Variants in ZNF678 observed in about 807,000 individuals in gnomAD.
ZNF678 encodes hypothetical protein MGC42493.
A neutral mutation model predicts 3.0 loss-of-function variants in ZNF678; 5 were observed. That is an observed-to-expected ratio of 1.69 (90% CI 0.88 to 3.56). ZNF678 has a LOEUF of 3.56. ZNF678 is among the 30% of genes most tolerant of loss of function. The pLI, the probability that ZNF678 is intolerant of heterozygous loss-of-function variation, is 0.00. For synonymous variants in ZNF678, 218 were observed against 199.6 expected (o/e 1.09, Z -0.78); for missense variants, 593 against 605.0 (o/e 0.98, Z 0.21).
intron 5 of ZNF678, among the ~76,000 whole-genome samples, chr1:227,670,967 ATTT>A (rs139606967): frequency 7.8e-6 from 1 of 128,308 alleles, no homozygotes; most frequent in Admixed American, 7.8e-5. Flanking sequence ...GAGGCCTTTT[ATTT>A]TTTTTTTTTT....
Position 227,574,112 on chromosome 1 carries a change from T to C in ZNF678, c.-164+10388T>C, listed in dbSNP as rs903355822. Among the ~76,000 whole-genome samples, 10 of 152,220 alleles carry C rather than the reference T, an allele frequency of 6.6e-5. No homozygotes were observed. In the South Asian group the frequency reaches 1.0e-3, roughly 16 times the overall value. ...GGTTGACTCCATGTCTTTGCAATTG[T>C]GAATAGTGCTGCAGTGAACATATAC... On this transcript the variant is annotated intron_variant, in intron 1 of 3. Coordinates refer to ENST00000343776, the MANE Select transcript of ZNF678 (RefSeq NM_001367909.1).
At chr1:227,617,345 G>T (rs965740204) in intron 1 of ZNF678, among the ~76,000 whole-genome samples, 32 of 152,342 alleles carry the variant, frequency 2.1e-4, no homozygotes, top group African/African-American at 7.5e-4. Context: ...ACAAAGTTAA[G>T]AAGTGGCCCA....
At chr1:227,592,909 C>T (rs533498678) in intron 1 of ZNF678, among the ~76,000 whole-genome samples, 73 of 152,334 alleles carry the variant, frequency 4.8e-4, no homozygotes, top group African/African-American at 1.3e-3. Flanking sequence ...CACATCCACT[C>T]GGGGATGAAC....
At chr1:227,625,749 G>T (rs934645415) in intron 1 of ZNF678, among the ~76,000 whole-genome samples, 1 of 152,064 alleles carries the variant, frequency 6.6e-6, no homozygotes, top group Non-Finnish European at 1.5e-5. Flanking sequence ...GGGGTGCTTT[G>T]TACCCTGGTC....
intron 1 of ZNF678, among the ~76,000 whole-genome samples, chr1:227,581,594 C>T (rs1657130569): frequency 6.6e-6 from 1 of 152,172 alleles, no homozygotes; most frequent in African/African-American, 2.4e-5. Flanking sequence ...GCTTCTTTTT[C>T]ATCCATAATC....
chr1:227,563,790 G>A, intron 1 of ZNF678, 66 bp downstream of exon 1: 1 of 1,284,686 alleles, frequency 7.8e-7, no homozygotes, highest in African/African-American at 1.5e-5. Flanking sequence ...ACTAGAGTCC[G>A]CGGCCCGGAG....
chr1:227,603,923 A>G (rs1253638608), intron 1 of ZNF678, among the ~76,000 whole-genome samples: 3 of 152,218 alleles, frequency 2.0e-5, no homozygotes, highest in Non-Finnish European at 4.4e-5. Context: ...CATGTCTTGT[A>G]TAATTGGAAC....
chr1:227,679,380 G>C (rs1326015370), downstream of ZNF678, among the ~76,000 whole-genome samples: 1 of 152,156 alleles, frequency 6.6e-6, no homozygotes, highest in Non-Finnish European at 1.5e-5. Context: ...GGGCCTGGTA[G>C]TTAAAAGATC....
At chr1:227,571,703 A>G (rs1300492075) in intron 1 of ZNF678, among the ~76,000 whole-genome samples, 4 of 152,234 alleles carry the variant, frequency 2.6e-5, no homozygotes, top group Non-Finnish European at 2.9e-5. Flanking sequence ...ACTATGTTTT[A>G]TATCCTCTGT....
At chr1:227,599,054 A>C in intron 1 of ZNF678, 1 of 1,594,422 alleles carries the variant, frequency 6.3e-7, no homozygotes, top group Non-Finnish European at 8.6e-7. Context: ...TGGTCGATTC[A>C]AATAATCCTG....
intron 1 of ZNF678, among the ~76,000 whole-genome samples, chr1:227,609,251 A>G (rs1019483690): frequency 6.6e-6 from 1 of 152,208 alleles, no homozygotes; most frequent in Non-Finnish European, 1.5e-5. Flanking sequence ...TCAAGGAAAA[A>G]CAAACTTTAT....
Position 227,658,435 on chromosome 1 carries a change from AT to A in ZNF678, c.*2608del, listed in dbSNP as rs975784381. ...CATAAAGAGATGGCATTAACTCTGC[AT>A]GTAAAGAAAACACATGTATACCCAG... On this transcript the variant is annotated 3_prime_UTR_variant, in exon 4 of 4. Transcript: ENST00000343776. 6.6e-6 allele frequency: 1 copy of A among 152,106 alleles called. No homozygotes were observed. The highest frequency in any genetic ancestry group is 2.4e-5 in the African/African-American group (1 of 41,440). 9.4% of individuals were successfully genotyped at this position (152,106 alleles called of 1,614,324 possible).
chr1:227,653,808 C>T (rs1381633629), intron 3 of ZNF678, among the ~76,000 whole-genome samples: 4 of 152,060 alleles, frequency 2.6e-5, no homozygotes, highest in Non-Finnish European at 5.9e-5. Context: ...GCTGCAGTAG[C>T]AATTATTTAC....
rs1199430480 is a variant in ZNF678, at chr1:227,657,158, G to A, written c.*1330G>A. On this transcript the variant is annotated 3_prime_UTR_variant, in exon 4 of 4. Coordinates refer to ENST00000343776, the MANE Select transcript of ZNF678 (RefSeq NM_001367909.1). ...ATTGGTGTTCTTACCACTGCAGTTA[G>A]TGTGTTCTCTGTTAGTTCATGTGAA... 1 of 151,936 alleles carries A rather than the reference G, an allele frequency of 6.6e-6. No homozygotes were observed. Among genetic ancestry groups the A allele is most frequent in the African/African-American group, 2.4e-5 (1 of 41,408 alleles). The allele number at this position is 151,936 out of a possible 1,614,324, so 9.4% of individuals were successfully genotyped here. A position where few individuals can be genotyped will look rare whatever the true frequency, so the allele number is the denominator to read the frequency against.
At position 227,589,442 on chromosome 1, in the gene ZNF678, A is replaced by G. The variant is rs933464440; in HGVS notation, c.-164+25718A>G. Among the ~76,000 whole-genome samples the G allele has an allele frequency of 5.9e-4, 90 of 151,780 alleles. 2 individuals carry two copies. Among genetic ancestry groups the G allele is most frequent in the African/African-American group, 1.9e-3 (77 of 41,246 alleles). On this transcript the variant is annotated intron_variant, in intron 1 of 3. Coordinates refer to ENST00000343776, the MANE Select transcript of ZNF678 (RefSeq NM_001367909.1). ...CTTGATTTTGTTAGGTTTGTCGAGG[A>G]TCAAATGGCTGTGTAGCAGGACGAG...
At chr1:227,600,862 T>A (rs1657720713) in intron 1 of ZNF678, among the ~76,000 whole-genome samples, 1 of 152,196 alleles carries the variant, frequency 6.6e-6, no homozygotes, top group African/African-American at 2.4e-5. Flanking sequence ...TTTGCCTGTC[T>A]GTATGTCCAG....
chr1:227,624,857 C>G (rs191996998), intron 1 of ZNF678, among the ~76,000 whole-genome samples: 132 of 152,312 alleles, frequency 8.7e-4, no homozygotes, highest in Admixed American at 2.5e-3. Flanking sequence ...GGATGGAAGT[C>G]AGCAGTGGGT....
chr1:227,624,892 G>A (rs998177569), intron 1 of ZNF678, among the ~76,000 whole-genome samples: 1 of 152,204 alleles, frequency 6.6e-6, no homozygotes, highest in Non-Finnish European at 1.5e-5. Context: ...ATCAGCAGTG[G>A]TGGACGGCAA....
chr1:227,593,013 G>T (rs972766030), intron 1 of ZNF678, among the ~76,000 whole-genome samples: 1 of 152,274 alleles, frequency 6.6e-6, no homozygotes, highest in Non-Finnish European at 1.5e-5. Context: ...CTTGTCGTGA[G>T]AGACACAAAG....
Sources: gnomAD v4.1 joint callset for allele counts (sites outside exome capture counted in the v4.1 genomes callset) on GRCh38, gnomAD v4.1.1 for gene constraint, MANE v1.5 for transcripts, NCBI Gene and HGNC (gene_info 2026-07-23, HGNC 2026-07-21) for gene names.